LRBA: variants seen among roughly 807,000 people sequenced by gnomAD.
LRBA encodes the protein lipopolysaccharide-responsive and beige-like anchor protein.
Under a neutral mutation model 330.0 loss-of-function variants are expected in LRBA, and 176 were observed. That is an observed-to-expected ratio of 0.53 (90% confidence interval 0.47 to 0.60). LRBA has a LOEUF of 0.60. Ranked by LOEUF, LRBA falls within the 20% of genes least tolerant of loss-of-function variation. The probability of loss-of-function intolerance (pLI) is 0.00; values close to 1 mark genes in which losing one functional copy is unlikely to be tolerated. For missense variants in LRBA, 3,259 were observed against 3,444.8 expected, an observed-to-expected ratio of 0.95 and a Z score of 1.35; for synonymous variants, 1,230 against 1,193.0, an observed-to-expected ratio of 1.03 and a Z score of -0.64.
chr4:150,476,954 T>C (rs574481309), intron 42 of LRBA, among the ~76,000 whole-genome samples: 2 of 152,280 alleles, frequency 1.3e-5, no homozygotes, highest in East Asian at 1.9e-4. Context: ...TTTAGCACAA[T>C]AGTCCCTACC....
In LRBA at chr4:150,677,088, T is replaced by C. The variant is rs192317947; in HGVS notation, c.5921+6463A>G. On this transcript the variant is annotated intron_variant, in intron 37 of 56. Coordinates refer to ENST00000651943, the MANE Select transcript of LRBA (RefSeq NM_001364905.1). ...GTTGAAACAAATATTTCTCAGTTCA[T>C]ACAGCATAATGAAAATTTTAAGACT... Among the ~76,000 whole-genome samples, 29 of 152,260 alleles carry C rather than the reference T, an allele frequency of 1.9e-4. 1 individual carries two copies. In the East Asian group the frequency reaches 2.7e-3, roughly 14 times the overall value.
chr4:150,905,872 A>T lies in LRBA; in HGVS notation c.1721T>A (p.Leu574His). The T allele has an allele frequency of 6.2e-7, 1 of 1,613,694 alleles. No individual in the cohort carries two copies. The highest frequency in any genetic ancestry group is 1.1e-5 in the South Asian group (1 of 91,032). ...LLKQLCDHVL[L>H]NPAIWIHTPA... The stretch of plus-strand genomic sequence containing the variant: ...GGTATGAATCCATATGGCAGGATTA[A>T]GAAGAACGTGATCACACAATTGCTT... The change falls in exon 13 of 57, where the codon CTT (leucine) becomes CAT (histidine). Residue 574 changes from leucine to histidine, a missense_variant. By Grantham distance (99) the Leu-to-His change is moderately conservative. Coordinates refer to ENST00000651943, the MANE Select transcript of LRBA (RefSeq NM_001364905.1).
intron 47 of LRBA, among the ~76,000 whole-genome samples, chr4:150,371,805 T>A (rs1333069962): frequency 6.6e-6 from 1 of 152,202 alleles, no homozygotes; most frequent in African/African-American, 2.4e-5. Context: ...CTTAAAGTTT[T>A]AAATGCTGTC....
chr4:150,694,989 T>C (rs764550434), intron 36 of LRBA, among the ~76,000 whole-genome samples: 2 of 152,306 alleles, frequency 1.3e-5, no homozygotes, highest in Non-Finnish European at 2.9e-5. Context: ...AAGAAGGCTA[T>C]AGTTTCTACT....
chr4:151,010,349 T>G (rs1031968256), intron 2 of LRBA, among the ~76,000 whole-genome samples: 1 of 152,212 alleles, frequency 6.6e-6, no homozygotes, highest in Admixed American at 6.5e-5. Context: ...GTCTAAAAGT[T>G]TGACAAATTA....
At chr4:150,818,484 T>C (rs904390777) in intron 30 of LRBA, among the ~76,000 whole-genome samples, 8 of 151,722 alleles carry the variant, frequency 5.3e-5, no homozygotes, top group Non-Finnish European at 1.5e-5. Context: ...CAGCAGCTTA[T>C]ATCAGATGAA....
At chr4:150,782,233 A>G (rs1738348484) in intron 34 of LRBA, among the ~76,000 whole-genome samples, 1 of 152,132 alleles carries the variant, frequency 6.6e-6, no homozygotes, top group African/African-American at 2.4e-5. Flanking sequence ...TCATAACTTA[A>G]CACTGTTACT....
chr4:150,727,666 AAT>A (rs1380713506), intron 36 of LRBA, among the ~76,000 whole-genome samples: 2 of 152,180 alleles, frequency 1.3e-5, no homozygotes, highest in Non-Finnish European at 2.9e-5. Context: ...TCTTCAAACA[AAT>A]GATAATAAAA....
At chr4:150,811,422 T>A (rs1387729008) in intron 31 of LRBA, among the ~76,000 whole-genome samples, 2 of 81,054 alleles carry the variant, frequency 2.5e-5, no homozygotes, top group African/African-American at 5.3e-5. Flanking sequence ...TGCATGAGGC[T>A]TTAGGAAAAA....
At chr4:150,483,741 A>C (rs1045296684) in intron 42 of LRBA, among the ~76,000 whole-genome samples, 2 of 152,064 alleles carry the variant, frequency 1.3e-5, no homozygotes, top group African/African-American at 4.8e-5. Context: ...CTGACATCTT[A>C]ATAATATTGA....
chr4:150,890,033 C>T (rs1192381485), intron 17 of LRBA, among the ~76,000 whole-genome samples: 1 of 151,884 alleles, frequency 6.6e-6, no homozygotes, highest in Non-Finnish European at 1.5e-5. Flanking sequence ...CAGCCATAAA[C>T]GGGAAGAAGA....
At chr4:150,463,163 T>A (rs1022921569) in intron 44 of LRBA, among the ~76,000 whole-genome samples, 1 of 152,020 alleles carries the variant, frequency 6.6e-6, no homozygotes, top group African/African-American at 2.4e-5. Flanking sequence ...CAATTAGTAC[T>A]AGTAGAATTC....
At position 150,669,401 on chromosome 4, in the gene LRBA, A is replaced by G. The variant is rs75705349; in HGVS notation, c.5921+14150T>C. ...TTTTCCCATTAATTTTCTTTTCTTG[A>G]CCAATAACTAATACAGAATCCCAAA... On this transcript the variant is annotated intron_variant, in intron 37 of 56. Transcript: ENST00000651943. 3.8e-3 allele frequency among the ~76,000 whole-genome samples: 584 copies of G among 152,194 alleles called. 1 individual carries two copies. The highest frequency in any genetic ancestry group is 0.013 in the African/African-American group (541 of 41,532).
intron 17 of LRBA, among the ~76,000 whole-genome samples, chr4:150,877,933 T>C (rs1332935429): frequency 3.3e-5 from 5 of 152,196 alleles, no homozygotes; most frequent in African/African-American, 7.2e-5. Flanking sequence ...GAATGACTTT[T>C]GGGTAAACAA....
At chr4:150,576,593 C>T (rs1053755787) in intron 40 of LRBA, among the ~76,000 whole-genome samples, 3 of 151,788 alleles carry the variant, frequency 2.0e-5, no homozygotes, top group African/African-American at 4.8e-5. Context: ...TAATAAAGTA[C>T]TCATTTATGC....
At chr4:150,886,940 T>A (rs2127072314) in intron 17 of LRBA, among the ~76,000 whole-genome samples, 1 of 152,264 alleles carries the variant, frequency 6.6e-6, no homozygotes, top group Non-Finnish European at 1.5e-5. Flanking sequence ...ATACTATAAT[T>A]ATGCTTTAGA....
At position 150,321,296 on chromosome 4, in the gene LRBA, C is replaced by T; in HGVS notation, c.7525G>A (p.Val2509Ile). ...MVLKFPSNSPVTHVAANTQPG... is the reference protein window; with the variant it reads ...MVLKFPSNSPITHVAANTQPG... ...TGGGTGTTGGCTGCCACGTGAGTAA[C>T]AGGGGAGTTGGAGGGAAACTTGAGG... Residue 2509 changes from valine (V) to isoleucine (I), a missense_variant, in exon 50 of 57, where the codon GTT (valine) becomes ATT (isoleucine). Physicochemically the swap from Val to Ile is conservative, Grantham distance 29. Transcript: ENST00000651943. This position sits in a 1 kb window ranked among gnomAD's most constrained non-coding sequence, Gnocchi z 4.5. 6.2e-7 allele frequency: 1 copy of T among 1,609,918 alleles called. No individual in the cohort carries two copies. Among genetic ancestry groups the T allele is most frequent in the Non-Finnish European group, 8.5e-7 (1 of 1,178,706 alleles).
At chr4:150,483,360 T>G (rs1757509684) in intron 42 of LRBA, among the ~76,000 whole-genome samples, 3 of 152,074 alleles carry the variant, frequency 2.0e-5, no homozygotes, top group African/African-American at 7.2e-5. Context: ...AGTCTATCCT[T>G]AAATAACAAG....
intron 37 of LRBA, among the ~76,000 whole-genome samples, chr4:150,668,439 G>A (rs975928054): frequency 2.6e-5 from 4 of 152,212 alleles, no homozygotes; most frequent in Non-Finnish European, 4.4e-5. Context: ...TATAGGCAGT[G>A]TGTAAAAAGC....
Sources: gnomAD v4.1 joint callset for allele counts (sites outside exome capture counted in the v4.1 genomes callset) on GRCh38, gnomAD v4.1.1 for gene constraint, Gnocchi (gnomAD v3.1) non-coding constraint, MANE v1.5 for transcripts, NCBI Gene and HGNC (gene_info 2026-07-23, HGNC 2026-07-21) for gene names.